EZH2: variants seen among roughly 807,000 people sequenced by gnomAD.
EZH2 encodes enhancer of zeste 2 polycomb repressive complex 2 subunit, also known as histone-lysine N-methyltransferase EZH2.
Under a neutral mutation model 98.4 loss-of-function variants are expected in EZH2, and 18 were observed. The ratio of observed to expected loss-of-function variants is 0.18; its 90% CI spans 0.13 to 0.27. The LOEUF is 0.27. EZH2 is among the 10% of genes least tolerant of loss of function. EZH2 has a pLI of 1.00. For missense variants in EZH2, 470 were observed against 935.1 expected, an observed-to-expected ratio of 0.50 and a Z score of 6.49; for synonymous variants, 338 against 312.3, an observed-to-expected ratio of 1.08 and a Z score of -0.87.
chr7:148,815,644 G>C (rs187907541), intron 12 of EZH2, 98 bp from the exon 13 acceptor site: 8 of 1,104,386 alleles, frequency 7.2e-6, no homozygotes, highest in South Asian at 6.3e-5. Context: ...ATGAATACAG[G>C]AATGCGTTAA....
At chr7:148,879,847 G>A (rs1490195646) in intron 1 of EZH2, among the ~76,000 whole-genome samples, 1 of 151,988 alleles carries the variant, frequency 6.6e-6, no homozygotes, top group East Asian at 1.9e-4. Context: ...GGCTCAGCCT[G>A]TCATCCCTGT....
chr7:148,847,995 T>G (rs1814619030), intron 1 of EZH2, among the ~76,000 whole-genome samples: 1 of 152,216 alleles, frequency 6.6e-6, no homozygotes, highest in Non-Finnish European at 1.5e-5. Flanking sequence ...CAATTATGTT[T>G]AAATGCGGGG....
At chr7:148,853,399 G>A (rs764766755) in intron 1 of EZH2, among the ~76,000 whole-genome samples, 5 of 152,034 alleles carry the variant, frequency 3.3e-5, no homozygotes, top group Non-Finnish European at 7.4e-5. Context: ...GCAACACAGT[G>A]AGACGAGACT....
intron 1 of EZH2, among the ~76,000 whole-genome samples, chr7:148,849,975 T>TAG (rs748195110): frequency 6.6e-6 from 1 of 152,116 alleles, no homozygotes; most frequent in Non-Finnish European, 1.5e-5. Context: ...AGGCCTAGGG[T>TAG]AGTAACGTGT....
chr7:148,870,363 T>C (rs975777564), intron 1 of EZH2, among the ~76,000 whole-genome samples: 1 of 152,146 alleles, frequency 6.6e-6, no homozygotes, highest in African/African-American at 2.4e-5. Context: ...ATTTTATGAA[T>C]AAGGATTGCA....
chr7:148,879,694 A>C (rs1820688540), intron 1 of EZH2, among the ~76,000 whole-genome samples: 1 of 152,114 alleles, frequency 6.6e-6, no homozygotes, highest in Non-Finnish European at 1.5e-5. Context: ...CATCTCAAAA[A>C]AATAAATAAT....
intron 1 of EZH2, among the ~76,000 whole-genome samples, chr7:148,872,125 CAT>C (rs771435053): frequency 2.5e-4 from 38 of 152,294 alleles, no homozygotes; most frequent in Middle Eastern, 3.4e-3. Context: ...GCAGTCTATA[CAT>C]ACAACGAAAT....
At chr7:148,811,003 A>G (rs1291739958) in intron 16 of EZH2, among the ~76,000 whole-genome samples, 1 of 152,168 alleles carries the variant, frequency 6.6e-6, no homozygotes, top group Middle Eastern at 3.2e-3. Context: ...GTGAATAACT[A>G]ATGACGTTGT....
intron 1 of EZH2, among the ~76,000 whole-genome samples, chr7:148,877,165 T>G (rs1317843262): frequency 1.3e-5 from 2 of 152,184 alleles, no homozygotes; most frequent in Non-Finnish European, 2.9e-5. Flanking sequence ...AAATACATAT[T>G]CATATATGAA....
intron 3 of EZH2, chr7:148,837,000 C>T: frequency 2.0e-6 from 1 of 495,524 alleles, no homozygotes; most frequent in African/African-American, 1.9e-5. Flanking sequence ...AGGTGAATGG[C>T]CTGCAGGGAA....
At chr7:148,814,591 T>C (rs1461180299) in intron 14 of EZH2, among the ~76,000 whole-genome samples, 1 of 152,186 alleles carries the variant, frequency 6.6e-6, no homozygotes, top group Non-Finnish European at 1.5e-5. Context: ...AAAAATTATT[T>C]GGGTAGCTCC....
chr7:148,836,718 AAG>A (rs891556027), intron 3 of EZH2: 2 of 388,868 alleles, frequency 5.1e-6, no homozygotes, highest in African/African-American at 2.1e-5. Flanking sequence ...TTTAAAAAAA[AAG>A]GGGATGGGGG....
At chr7:148,817,044 T>C in intron 11 of EZH2, 178 bp downstream of exon 11, 1 of 651,932 alleles carries the variant, frequency 1.5e-6, no homozygotes, top group Non-Finnish European at 2.5e-6. Flanking sequence ...GGGGAAATTC[T>C]GTAACATACC....
intron 3 of EZH2, among the ~76,000 whole-genome samples, chr7:148,845,735 T>A (rs1391824806): frequency 6.6e-6 from 1 of 152,212 alleles, no homozygotes; most frequent in Non-Finnish European, 1.5e-5. Flanking sequence ...TAGTGCAATT[T>A]TAATTCCAAC....
intron 1 of EZH2, among the ~76,000 whole-genome samples, chr7:148,862,480 A>G (rs1031687467): frequency 2.0e-5 from 3 of 152,236 alleles, no homozygotes; most frequent in Non-Finnish European, 4.4e-5. Context: ...CTCTCTGCCA[A>G]CAAATATGGT....
At chr7:148,861,159 G>A (rs778871138) in intron 1 of EZH2, among the ~76,000 whole-genome samples, 4 of 151,520 alleles carry the variant, frequency 2.6e-5, no homozygotes, top group Non-Finnish European at 5.9e-5. Context: ...TCTGGCTCTA[G>A]ATTACTTATG....
chr7:148,835,714 A>C (rs1810726224), intron 3 of EZH2, among the ~76,000 whole-genome samples: 1 of 152,198 alleles, frequency 6.6e-6, no homozygotes, highest in Non-Finnish European at 1.5e-5. Flanking sequence ...TTCTGAAGGA[A>C]GAAGTGCTTT....
chr7:148,875,743 G>C (rs1429319343), intron 1 of EZH2, among the ~76,000 whole-genome samples: 1 of 152,150 alleles, frequency 6.6e-6, no homozygotes, highest in East Asian at 1.9e-4. Context: ...AACATGTCCA[G>C]GAAAGACATA....
intron 1 of EZH2, among the ~76,000 whole-genome samples, chr7:148,853,346 A>T (rs1389627583): frequency 1.3e-5 from 2 of 152,224 alleles, no homozygotes; most frequent in African/African-American, 2.4e-5. Context: ...TGGGAGGCAG[A>T]GGTTGAGGTG....
Sources: allele counts gnomAD v4.1 joint callset (sites outside exome capture counted in the v4.1 genomes callset), GRCh38; gene constraint gnomAD v4.1.1; transcripts MANE v1.5; gene names NCBI Gene and HGNC (gene_info 2026-07-23, HGNC 2026-07-21).